Variants in FSTL4 observed in about 807,000 individuals in gnomAD.
FSTL4 encodes follistatin like 4, also known as follistatin-related protein 4.
Under a neutral mutation model 78.2 loss-of-function variants are expected in FSTL4, and 28 were observed. That is an observed-to-expected ratio of 0.36 (90% CI 0.27 to 0.49). The LOEUF (loss-of-function observed/expected upper bound fraction) is 0.49, where lower values mean the gene tolerates loss of function less well. Among genes scored for constraint, FSTL4 ranks in the 20% least tolerant of loss-of-function variants. FSTL4 has a pLI of 0.98. For synonymous variants in FSTL4, 422 were observed against 440.5 expected, an observed-to-expected ratio of 0.96 and a Z score of 0.53; for missense variants, 922 against 1,084.9, an observed-to-expected ratio of 0.85 and a Z score of 2.11.
In FSTL4 at chr5:133,202,192, G is replaced by A. The variant is rs909573034; in HGVS notation, c.1717-150C>T. On this transcript the variant is annotated intron_variant, in intron 14 of 15. Coordinates refer to ENST00000265342, the MANE Select transcript of FSTL4 (RefSeq NM_015082.2). ...CCTCAATCTCAGGGAAGAGGCAGGA[G>A]CAAAGTGGGAGCAGTTCAGGCACAT... 3 of 539,118 alleles carry A rather than the reference G, an allele frequency of 5.6e-6. No individual in the cohort carries two copies. The Admixed American group carries it at 9.2e-5, about 16-fold the overall frequency. The allele number at this position is 539,118 out of a possible 1,614,324, so 33.4% of individuals were successfully genotyped here. A position where few individuals can be genotyped will look rare whatever the true frequency, so the allele number is the denominator to read the frequency against.
At chr5:133,349,301 G>C (rs867449169) in intron 4 of FSTL4, among the ~76,000 whole-genome samples, 1,512 of 136,584 alleles carry the variant, frequency 0.011, 10 homozygotes, top group Middle Eastern at 0.022. Flanking sequence ...CTCTCTGTGT[G>C]TGTGTGTGTG....
chr5:133,617,298 C>CAAA (rs145317097), upstream of FSTL4, among the ~76,000 whole-genome samples: 61 of 61,872 alleles, frequency 9.9e-4, no homozygotes, highest in Non-Finnish European at 1.3e-3. Context: ...GACTCCATCT[C>CAAA]AAAAAAAAAA....
chr5:133,356,789 C>CT (rs1424075601), intron 4 of FSTL4, among the ~76,000 whole-genome samples: 3 of 152,250 alleles, frequency 2.0e-5, no homozygotes, highest in Admixed American at 1.3e-4. Context: ...CCCACGCAGT[C>CT]TTTTTGGCAG....
chr5:133,789,036 C>T, the FSTL4 span, among the ~76,000 whole-genome samples: 1 of 152,204 alleles, frequency 6.6e-6, no homozygotes, highest in Non-Finnish European at 1.5e-5. Flanking sequence ...GGCATAGAAC[C>T]TGCTCCCCTT....
chr5:133,818,872 A>T, the FSTL4 span, among the ~76,000 whole-genome samples: 1 of 142,790 alleles, frequency 7.0e-6, no homozygotes, highest in South Asian at 2.4e-4. Flanking sequence ...CTCAGCTTAA[A>T]GCCCCCCACC....
At chr5:133,360,259 C>T (rs1303549176) in intron 4 of FSTL4, among the ~76,000 whole-genome samples, 6 of 152,198 alleles carry the variant, frequency 3.9e-5, no homozygotes, top group African/African-American at 1.2e-4. Flanking sequence ...CTCGCTGTTC[C>T]TTGACCTTTT....
the FSTL4 span, among the ~76,000 whole-genome samples, chr5:133,687,878 A>G: frequency 6.6e-6 from 1 of 152,208 alleles, no homozygotes; most frequent in Non-Finnish European, 1.5e-5. Context: ...GACTCCTTCA[A>G]TCTGCCTGCT....
chr5:133,221,899 T>TG (rs1751127152), intron 11 of FSTL4, among the ~76,000 whole-genome samples: 4 of 90,108 alleles, frequency 4.4e-5, no homozygotes, highest in South Asian at 3.5e-4. Flanking sequence ...TAGTTTTTTT[T>TG]TTTTTTTTTT....
At chr5:133,811,031 G>A in the FSTL4 span, among the ~76,000 whole-genome samples, 4 of 152,094 alleles carry the variant, frequency 2.6e-5, no homozygotes, top group South Asian at 4.1e-4. Context: ...CTCCCATACC[G>A]TCACTATCTG....
At chr5:133,250,872 C>T (rs907566640) in intron 6 of FSTL4, among the ~76,000 whole-genome samples, 1 of 152,172 alleles carries the variant, frequency 6.6e-6, no homozygotes, top group African/African-American at 2.4e-5. Flanking sequence ...GGTGCTTCAT[C>T]AGTGCTGTTG....
chr5:133,664,195 A>G, the FSTL4 span, among the ~76,000 whole-genome samples: 2 of 152,150 alleles, frequency 1.3e-5, no homozygotes, highest in Non-Finnish European at 2.9e-5. Context: ...CAAGGAGGCA[A>G]TCAGGGGACC....
intron 4 of FSTL4, among the ~76,000 whole-genome samples, chr5:133,348,002 T>C (rs1450615277): frequency 6.6e-6 from 1 of 152,118 alleles, no homozygotes; most frequent in Non-Finnish European, 1.5e-5. Flanking sequence ...AGCCATAGTT[T>C]GGTGAGGATA....
At chr5:133,689,836 G>A in the FSTL4 span, among the ~76,000 whole-genome samples, 3 of 152,114 alleles carry the variant, frequency 2.0e-5, no homozygotes, top group African/African-American at 7.2e-5. Flanking sequence ...ATAGGCGGGT[G>A]GATCACCTGA....
the FSTL4 span, among the ~76,000 whole-genome samples, chr5:133,681,354 G>T: frequency 6.6e-6 from 1 of 152,206 alleles, no homozygotes; most frequent in African/African-American, 2.4e-5. Flanking sequence ...CTGCCTCAGG[G>T]GGATTGGAGG....
At chr5:133,341,723 C>T (rs1170593920) in intron 4 of FSTL4, among the ~76,000 whole-genome samples, 1 of 152,214 alleles carries the variant, frequency 6.6e-6, no homozygotes, top group Admixed American at 6.5e-5. Flanking sequence ...TTGAAGAATT[C>T]TTCCTTTAGG....
At position 133,217,088 on chromosome 5, in the gene FSTL4, C is replaced by T. The variant is rs188892633; in HGVS notation, c.1608+141G>A. ...TACATAGTAGACAATCAATACTTCACGAATAATTACACATGAATCTTTTCT... is the reference window on the plus strand; with the variant it reads ...TACATAGTAGACAATCAATACTTCATGAATAATTACACATGAATCTTTTCT... On this transcript the variant is annotated intron_variant, in intron 13 of 15. Transcript: ENST00000265342. 87 of 640,240 alleles carry T rather than the reference C, an allele frequency of 1.4e-4. 1 individual carries two copies. The East Asian group carries it at 1.5e-3, about 11-fold the overall frequency. The allele number at this position is 640,240 out of a possible 1,614,324, so 39.7% of individuals were successfully genotyped here.
chr5:133,713,898 G>A, the FSTL4 span, among the ~76,000 whole-genome samples: 39 of 152,104 alleles, frequency 2.6e-4, no homozygotes, highest in Admixed American at 1.6e-3. Flanking sequence ...GCCACACATC[G>A]GCTCTCCCAT....
intron 6 of FSTL4, among the ~76,000 whole-genome samples, chr5:133,292,555 C>CAAA (rs35459497): frequency 4.6e-4 from 67 of 145,510 alleles, no homozygotes; most frequent in African/African-American, 7.6e-4. Flanking sequence ...ACCTGTGAAT[C>CAAA]AAAAAAAAAA....
the FSTL4 span, among the ~76,000 whole-genome samples, chr5:133,645,097 T>C: frequency 6.6e-6 from 1 of 152,162 alleles, no homozygotes; most frequent in Non-Finnish European, 1.5e-5. Flanking sequence ...CTATAGAGTA[T>C]TGTAGCTCTC....
Sources: allele counts gnomAD v4.1 joint callset (sites outside exome capture counted in the v4.1 genomes callset), GRCh38; gene constraint gnomAD v4.1.1; transcripts MANE v1.5; gene names NCBI Gene and HGNC (gene_info 2026-07-23, HGNC 2026-07-21).